IPO9: variants seen among roughly 807,000 people sequenced by gnomAD.
IPO9 encodes importin-9.
Under a neutral mutation model 128.6 loss-of-function variants are expected in IPO9, and 28 were observed. The ratio of observed to expected loss-of-function variants is 0.22; its 90% CI spans 0.16 to 0.30. IPO9 has a LOEUF of 0.30. IPO9 is among the 10% of genes least tolerant of loss of function. The probability of loss-of-function intolerance (pLI) is 1.00; values close to 1 mark genes in which losing one functional copy is unlikely to be tolerated. For missense variants in IPO9, 935 were observed against 1,293.9 expected, an observed-to-expected ratio of 0.72 and a Z score of 4.26; for synonymous variants, 455 against 475.8, an observed-to-expected ratio of 0.96 and a Z score of 0.57.
Position 201,838,873 on chromosome 1 carries a change from A to G in IPO9, c.164-8406A>G, listed in dbSNP as rs192519448. Among the ~76,000 whole-genome samples the G allele has an allele frequency of 2.9e-3, 449 of 152,362 alleles. 1 individual carries two copies. The highest frequency in any genetic ancestry group is 5.0e-3 in the Non-Finnish European group (341 of 68,036). Reference sequence around the variant, plus strand: ...AAACCAAAACCAATTTACAGTATCAACAAAAAAGTAAATGCTTAGGAAATG... The same window carrying G: ...AAACCAAAACCAATTTACAGTATCAGCAAAAAAGTAAATGCTTAGGAAATG... On this transcript the variant is annotated intron_variant, in intron 1 of 23. Transcript: ENST00000361565.
intron 13 of IPO9, among the ~76,000 whole-genome samples, chr1:201,861,497 G>A (rs1680447460): frequency 1.3e-5 from 2 of 152,170 alleles, no homozygotes; most frequent in South Asian, 2.1e-4. Flanking sequence ...TAATGTAAGT[G>A]TTCTGAGCAT....
chr1:201,871,514 G>A (rs928852231), intron 19 of IPO9, among the ~76,000 whole-genome samples, 187 bp downstream of exon 19: 21 of 145,790 alleles, frequency 1.4e-4, no homozygotes, highest in Admixed American at 7.8e-4. Context: ...TGCCTCAGCC[G>A]TCCGAATATT....
Position 201,877,991 on chromosome 1 carries a change from G to A in IPO9, c.*1937G>A, listed in dbSNP as rs574305246. On this transcript the variant is annotated 3_prime_UTR_variant, in exon 24 of 24. Coordinates refer to ENST00000361565, the MANE Select transcript of IPO9 (RefSeq NM_018085.5). Reference sequence around the variant, plus strand: ...TCTCCACTCAAGGGGATGGCCCCAAGGATATTGTAGCTGGTAATTTCTTCA... The same window carrying A: ...TCTCCACTCAAGGGGATGGCCCCAAAGATATTGTAGCTGGTAATTTCTTCA... 6.6e-6 allele frequency: 1 copy of A among 152,198 alleles called. No individual in the cohort carries two copies. The highest frequency in any genetic ancestry group is 2.1e-4 in the South Asian group (1 of 4,820). 9.4% of individuals were successfully genotyped at this position (152,198 alleles called of 1,614,324 possible). A position where few individuals can be genotyped will look rare whatever the true frequency, so the allele number is the denominator to read the frequency against.
intron 1 of IPO9, among the ~76,000 whole-genome samples, chr1:201,830,408 C>A (rs1396021684): frequency 6.6e-6 from 1 of 152,224 alleles, no homozygotes; most frequent in Non-Finnish European, 1.5e-5. Flanking sequence ...TAGAACAAAT[C>A]TCTCTTAAAT....
At chr1:201,868,614 G>A (rs765813534) in intron 15 of IPO9, 34 bp from the exon 16 acceptor site, 37 of 1,595,944 alleles carry the variant, frequency 2.3e-5, no homozygotes, top group Admixed American at 5.1e-5. Flanking sequence ...AGACCATCAG[G>A]CAGGGGGATT....
chr1:201,853,861 C>G (rs1271958421), intron 6 of IPO9, among the ~76,000 whole-genome samples: 1 of 152,250 alleles, frequency 6.6e-6, no homozygotes, highest in Non-Finnish European at 1.5e-5. Context: ...GCCTCAGCCT[C>G]CCGAGTAGCT....
At chr1:201,839,620 C>A (rs1328258926) in intron 1 of IPO9, among the ~76,000 whole-genome samples, 2 of 146,188 alleles carry the variant, frequency 1.4e-5, no homozygotes, top group Non-Finnish European at 3.0e-5. Context: ...TGGAATTAGA[C>A]CCATATCTCA....
chr1:201,874,090 ATTTAAC>A (rs1403722722), intron 20 of IPO9, among the ~76,000 whole-genome samples, 154 bp from the exon 21 acceptor site: 3 of 152,178 alleles, frequency 2.0e-5, no homozygotes, highest in Non-Finnish European at 2.9e-5. Flanking sequence ...CAATAAAGTT[ATTTAAC>A]TTTAAGTCAC....
At chr1:201,860,392 A>G (rs1268237703) in intron 13 of IPO9, among the ~76,000 whole-genome samples, 2 of 152,188 alleles carry the variant, frequency 1.3e-5, no homozygotes, top group African/African-American at 2.4e-5. Flanking sequence ...CATATGCTGC[A>G]TTGTTGAATA....
At position 201,870,052 on chromosome 1, in the gene IPO9, G is replaced by A. The variant is rs1039371701; in HGVS notation, c.2133+334G>A. Among the ~76,000 whole-genome samples the A allele has an allele frequency of 1.3e-5, 2 of 152,208 alleles. No homozygotes were observed. The highest frequency in any genetic ancestry group is 2.9e-5 in the Non-Finnish European group (2 of 68,044). On this transcript the variant is annotated intron_variant, in intron 17 of 23. Coordinates refer to ENST00000361565, the MANE Select transcript of IPO9 (RefSeq NM_018085.5). The surrounding 1 kb of genome is among the most constrained non-coding windows in gnomAD (Gnocchi z 4.9). ...AGTAATAAAGTCAGCAGAGTGATGG[G>A]CCTCTAGAGAGGGGAGACATGCCTG...
intron 1 of IPO9, among the ~76,000 whole-genome samples, chr1:201,833,227 AT>A (rs5780090): frequency 0.45 from 66,389 of 147,290 alleles, 15,126 homozygotes; most frequent in Admixed American, 0.56. Flanking sequence ...TCCTGGAATG[AT>A]TTTTTTTTTT....
At position 201,855,952 on chromosome 1, in the gene IPO9, GA is replaced by G. The variant is rs1187827227; in HGVS notation, c.1122+19del. On this transcript the variant is annotated intron_variant, in intron 10 of 23. Transcript: ENST00000361565. The stretch of plus-strand genomic sequence containing the variant: ...AGGAGCAGGTAAATAATATTTGAGA[GA>G]CAGTTACCATCTTGTATTTGGAAAG... The G allele has an allele frequency of 6.4e-7, 1 of 1,556,588 alleles. No homozygotes were observed.
chr1:201,874,489 C>T, intron 21 of IPO9, 117 bp downstream of exon 21: 2 of 1,177,320 alleles, frequency 1.7e-6, no homozygotes, highest in Admixed American at 2.5e-5. Flanking sequence ...GATGGAATGG[C>T]TGCTCTGTGG....
chr1:201,845,773 A>G (rs1680115167), intron 1 of IPO9, among the ~76,000 whole-genome samples: 1 of 152,238 alleles, frequency 6.6e-6, no homozygotes, highest in African/African-American at 2.4e-5. Flanking sequence ...AAGTCTCACC[A>G]GCCACATTAC....
At chr1:201,864,230 G>A (rs956842726) in intron 14 of IPO9, among the ~76,000 whole-genome samples, 5 of 152,314 alleles carry the variant, frequency 3.3e-5, no homozygotes, top group Non-Finnish European at 7.4e-5. Flanking sequence ...TTGAGGCAGA[G>A]GAGTATCTTT....
At chr1:201,854,121 C>T (rs1680275301) in intron 6 of IPO9, among the ~76,000 whole-genome samples, 1 of 152,234 alleles carries the variant, frequency 6.6e-6, no homozygotes, top group Non-Finnish European at 1.5e-5. Context: ...GATCCTCCCA[C>T]CTTGGCCTCC....
intron 1 of IPO9, among the ~76,000 whole-genome samples, chr1:201,843,941 A>G (rs2102872374): frequency 6.6e-6 from 1 of 152,192 alleles, no homozygotes; most frequent in South Asian, 2.1e-4. Context: ...ATATTTTATA[A>G]TATTGTAATA....
At chr1:201,842,000 A>C (rs920146928) in intron 1 of IPO9, among the ~76,000 whole-genome samples, 1 of 152,202 alleles carries the variant, frequency 6.6e-6, no homozygotes, top group Admixed American at 6.5e-5. Context: ...TCAGTTCTGT[A>C]GTGGACACCA....
intron 1 of IPO9, among the ~76,000 whole-genome samples, chr1:201,843,099 A>G (rs1558216837): frequency 6.6e-6 from 1 of 152,192 alleles, no homozygotes; most frequent in Non-Finnish European, 1.5e-5. Context: ...AGGCAACAAT[A>G]CTAGTCTAGC....
Sources: allele counts gnomAD v4.1 joint callset (sites outside exome capture counted in the v4.1 genomes callset), GRCh38; gene constraint gnomAD v4.1.1; non-coding constraint Gnocchi (gnomAD v3.1); transcripts MANE v1.5; gene names NCBI Gene and HGNC (gene_info 2026-07-23, HGNC 2026-07-21).